Variants in RAB30 observed in about 807,000 individuals in gnomAD.
The protein encoded by RAB30 is ras-related protein Rab-30.
In RAB30, 9 loss-of-function variants were observed where a neutral mutation model predicts 25.1. That is an observed-to-expected ratio of 0.36 (90% CI 0.22 to 0.63). The LOEUF (loss-of-function observed/expected upper bound fraction) is 0.63, where lower values mean the gene tolerates loss of function less well. RAB30 is among the 20% of genes least tolerant of loss of function. The probability of loss-of-function intolerance (pLI) is 0.69; values close to 1 mark genes in which losing one functional copy is unlikely to be tolerated. For missense variants in RAB30, 140 were observed against 243.5 expected, an observed-to-expected ratio of 0.58 and a Z score of 2.83; for synonymous variants, 77 against 86.4, an observed-to-expected ratio of 0.89 and a Z score of 0.60.
chr11:83,053,730 C>T (rs1017228646), intron 1 of RAB30, among the ~76,000 whole-genome samples: 2 of 152,158 alleles, frequency 1.3e-5, no homozygotes, highest in African/African-American at 4.8e-5. Flanking sequence ...GGGAACTTAA[C>T]TGTCATATAT....
intron 1 of RAB30, among the ~76,000 whole-genome samples, chr11:83,050,674 A>G (rs1366252782): frequency 6.6e-6 from 1 of 152,210 alleles, no homozygotes; most frequent in Admixed American, 6.5e-5. Context: ...TTCTAAAAAT[A>G]CTTTTTCTTA....
intron 1 of RAB30, chr11:83,060,042 C>T (rs1244759380): frequency 6.6e-6 from 1 of 151,904 alleles, no homozygotes; most frequent in African/African-American, 2.4e-5. Flanking sequence ...GAAACCCCAT[C>T]TTTACAAACA....
chr11:83,060,093 T>G (rs977281597), intron 1 of RAB30: 3 of 152,084 alleles, frequency 2.0e-5, no homozygotes, highest in African/African-American at 7.3e-5. Context: ...TCCCAGCTAC[T>G]CCGGAGGCTG....
intron 1 of RAB30, among the ~76,000 whole-genome samples, chr11:83,061,067 G>A (rs1440219477): frequency 6.6e-6 from 1 of 152,220 alleles, no homozygotes; most frequent in Admixed American, 6.5e-5. Context: ...GAGTTCCACT[G>A]TCAGCTTCCC....
chr11:82,998,559 A>C (rs1177131254), intron 1 of RAB30, among the ~76,000 whole-genome samples: 1 of 151,688 alleles, frequency 6.6e-6, no homozygotes, highest in Non-Finnish European at 1.5e-5. Flanking sequence ...AAAAAAAAAA[A>C]AAAAACCAAC....
chr11:82,980,228 T>G lies in RAB30; in HGVS notation c.*1937A>C, dbSNP rs1028290220. On this transcript the variant is annotated 3_prime_UTR_variant, in exon 5 of 5. Coordinates refer to ENST00000527633, the MANE Select transcript of RAB30 (RefSeq NM_001286060.2). ...CAACAATTATTATAAATTATTTTGG[T>G]TTTTATTAAAATGACTTTTCTTTCC... 3.3e-5 allele frequency: 5 copies of G among 152,188 alleles called. No homozygotes were observed. The highest frequency in any genetic ancestry group is 9.7e-5 in the African/African-American group (4 of 41,448). The allele number at this position is 152,188 out of a possible 1,614,324, so 9.4% of individuals were successfully genotyped here. A position where few individuals can be genotyped will look rare whatever the true frequency, so the allele number is the denominator to read the frequency against.
At chr11:83,014,569 G>A (rs1272145299) in intron 1 of RAB30, among the ~76,000 whole-genome samples, 3 of 150,724 alleles carry the variant, frequency 2.0e-5, no homozygotes, top group South Asian at 2.1e-4. Context: ...GAGAGACAGG[G>A]GGAGACAGAA....
In RAB30 at chr11:83,051,464, G is replaced by A. The variant is rs566386258; in HGVS notation, c.-9+20227C>T. On this transcript the variant is annotated intron_variant, in intron 1 of 4. Transcript: ENST00000527633. ...CCCCAATTAGAGTTGGGTTGCTTCCGTCCATAACTTAAAGAGTTCTAACAC... is the reference window on the plus strand; with the variant it reads ...CCCCAATTAGAGTTGGGTTGCTTCCATCCATAACTTAAAGAGTTCTAACAC... Among the ~76,000 whole-genome samples the A allele has an allele frequency of 1.2e-4, 18 of 152,040 alleles. No individual in the cohort carries two copies. The South Asian group carries it at 3.5e-3, about 30-fold the overall frequency.
chr11:83,032,438 C>T (rs1162280385), intron 1 of RAB30, among the ~76,000 whole-genome samples: 1 of 152,158 alleles, frequency 6.6e-6, no homozygotes, highest in Non-Finnish European at 1.5e-5. Context: ...AGTAGACAAA[C>T]AGCTTCTAGG....
intron 1 of RAB30, among the ~76,000 whole-genome samples, chr11:83,005,741 A>G (rs534513410): frequency 2.0e-5 from 3 of 152,124 alleles, no homozygotes; most frequent in Non-Finnish European, 4.4e-5. Context: ...AAGGCTGAGA[A>G]ATTTCACTAA....
At chr11:83,062,164 G>A (rs1858598649) in intron 1 of RAB30, among the ~76,000 whole-genome samples, 2 of 152,184 alleles carry the variant, frequency 1.3e-5, no homozygotes, top group South Asian at 4.2e-4. Flanking sequence ...GTCTATATCT[G>A]CATTTTTCAG....
rs71463144 is a variant in RAB30, at chr11:83,033,055, C to CTT, written c.-8-35733_-8-35732dup. Among the ~76,000 whole-genome samples, 161 of 77,876 alleles carry CTT rather than the reference C, an allele frequency of 2.1e-3. 1 individual carries two copies. The highest frequency in any genetic ancestry group is 2.9e-3 in the Non-Finnish European group (115 of 39,322). 51.1% of individuals were successfully genotyped at this position (77,876 alleles called of 152,430 possible). The stretch of plus-strand genomic sequence containing the variant: ...CTAGGGAACATGTTTGCCTCAAATT[C>CTT]TTTTTTTTTTTTTTTTTTTTTTTTT... On this transcript the variant is annotated intron_variant, in intron 1 of 4. Transcript: ENST00000527633.
chr11:83,047,784 G>T (rs1247408398), intron 1 of RAB30, among the ~76,000 whole-genome samples: 1 of 151,068 alleles, frequency 6.6e-6, no homozygotes, highest in Admixed American at 6.6e-5. Context: ...TCCTCTTTTT[G>T]ATTGCTAACA....
chr11:83,021,972 C>A (rs1703201590), intron 1 of RAB30, among the ~76,000 whole-genome samples: 1 of 152,184 alleles, frequency 6.6e-6, no homozygotes, highest in African/African-American at 2.4e-5. Context: ...TTCATTAGAT[C>A]ATCCACATTC....
At chr11:82,988,504 G>T (rs1274265580) in intron 3 of RAB30, among the ~76,000 whole-genome samples, 2 of 152,146 alleles carry the variant, frequency 1.3e-5, no homozygotes, top group Non-Finnish European at 2.9e-5. Flanking sequence ...CTATGACCTT[G>T]GCCAAGTCAC....
At chr11:83,044,541 A>G (rs1374624309) in intron 1 of RAB30, among the ~76,000 whole-genome samples, 1 of 152,208 alleles carries the variant, frequency 6.6e-6, no homozygotes, top group Admixed American at 6.5e-5. Flanking sequence ...ATATCACTAC[A>G]AGTCTGTTCA....
chr11:83,018,252 T>C (rs1208060147), intron 1 of RAB30, among the ~76,000 whole-genome samples: 1 of 149,872 alleles, frequency 6.7e-6, no homozygotes, highest in Admixed American at 6.7e-5. Context: ...TGAGCCAAGA[T>C]TGTGCCACTG....
intron 1 of RAB30, among the ~76,000 whole-genome samples, chr11:83,048,815 A>T (rs979778284): frequency 6.6e-6 from 1 of 152,202 alleles, no homozygotes; most frequent in Non-Finnish European, 1.5e-5. Flanking sequence ...CGCTGATGCC[A>T]GCCCCAAACA....
chr11:83,068,255 G>C lies in RAB30; in HGVS notation c.-9+3436C>G, dbSNP rs775754887. On this transcript the variant is annotated intron_variant, in intron 1 of 4. Transcript: ENST00000527633. ...GGAGGTTGCAATGAGCCGAGATTGCGCCATTGTACTCCAGCAAGGGCAACA... is the reference window on the plus strand; with the variant it reads ...GGAGGTTGCAATGAGCCGAGATTGCCCCATTGTACTCCAGCAAGGGCAACA... 3.3e-5 allele frequency among the ~76,000 whole-genome samples: 5 copies of C among 150,990 alleles called. No homozygotes were observed. The South Asian group carries it at 1.0e-3, about 32-fold the overall frequency.
Sources: gnomAD v4.1 joint callset for allele counts (sites outside exome capture counted in the v4.1 genomes callset) on GRCh38, gnomAD v4.1.1 for gene constraint, MANE v1.5 for transcripts, NCBI Gene and HGNC (gene_info 2026-07-23, HGNC 2026-07-21) for gene names.